Variants in SUMF1 observed in about 807,000 individuals in gnomAD.
SUMF1 encodes sulfatase modifying factor 1.
SUMF1 carries 48 observed loss-of-function variants against 47.6 expected under a neutral mutation model. The ratio of observed to expected loss-of-function variants is 1.01; its 90% CI spans 0.80 to 1.28. The LOEUF (loss-of-function observed/expected upper bound fraction) is 1.28, where lower values mean the gene tolerates loss of function less well. Among genes scored for constraint, SUMF1 ranks in the 50% most tolerant of loss-of-function variants. SUMF1 has a pLI of 0.00. For missense variants in SUMF1, 571 were observed against 485.4 expected (o/e 1.18, Z -1.66); for synonymous variants, 230 against 192.1 (o/e 1.20, Z -1.63).
At chr3:4,421,628 C>T (rs78237025) in intron 3 of SUMF1, among the ~76,000 whole-genome samples, 2,308 of 152,168 alleles carry the variant, frequency 0.015, 70 homozygotes, top group African/African-American at 0.052. Flanking sequence ...CACAGGTGTG[C>T]GCCACAATGC....
At chr3:4,157,251 T>C (rs1694473379) in intron 8 of SUMF1, among the ~76,000 whole-genome samples, 1 of 151,520 alleles carries the variant, frequency 6.6e-6, no homozygotes, top group Non-Finnish European at 1.5e-5. Flanking sequence ...CTGGGCCAGT[T>C]TTTTAGATGT....
chr3:4,137,639 A>T (rs987447490), intron 8 of SUMF1, among the ~76,000 whole-genome samples: 4 of 152,064 alleles, frequency 2.6e-5, no homozygotes, highest in African/African-American at 9.7e-5. Context: ...AAACAAACAA[A>T]CAAGAAATGG....
Position 4,467,046 on chromosome 3 carries a change from G to C in SUMF1, c.200C>G (p.Ala67Gly), listed in dbSNP as rs781397249. 1.9e-6 allele frequency: 3 copies of C among 1,571,484 alleles called. No homozygotes were observed. Among genetic ancestry groups the C allele is most frequent in the South Asian group, 2.3e-5 (2 of 86,368 alleles). ...GTTAGCCTCCCGCGAGTATCGGTGA[G>C]CGGCTGCCGAACTGCCATGGGCGCC... ...RPGAHGSSAA[A>G]HRYSREANAP... The change falls in exon 1 of 9, where the codon GCT becomes GGT. Residue 67 changes from alanine (A) to glycine (G), a missense_variant. Ala to Gly is a moderately conservative substitution (Grantham distance 60). Coordinates refer to ENST00000272902, the MANE Select transcript of SUMF1 (RefSeq NM_182760.4).
chr3:4,150,189 G>C (rs961970737), intron 8 of SUMF1, among the ~76,000 whole-genome samples: 8 of 151,906 alleles, frequency 5.3e-5, no homozygotes, highest in Non-Finnish European at 1.2e-4. Context: ...GATCTCCTGG[G>C]CTCAACCAAT....
intron 9 of SUMF1, among the ~76,000 whole-genome samples, chr3:4,043,927 A>G (rs1694960135): frequency 6.6e-6 from 1 of 151,942 alleles, no homozygotes; most frequent in East Asian, 1.9e-4. Context: ...AATAAAATCA[A>G]CTCCATTTCT....
At chr3:4,373,508 C>T (rs540418435) in intron 8 of SUMF1, among the ~76,000 whole-genome samples, 2 of 152,150 alleles carry the variant, frequency 1.3e-5, no homozygotes, top group African/African-American at 4.8e-5. Flanking sequence ...GTCCCAGCCA[C>T]TCAGGAGGCT....
chr3:4,397,271 A>T (rs551581542), intron 7 of SUMF1, among the ~76,000 whole-genome samples: 2 of 152,370 alleles, frequency 1.3e-5, no homozygotes, highest in East Asian at 3.9e-4. Context: ...TAGGTCAACT[A>T]AAACCAAACC....
At chr3:4,107,090 C>G (rs775323991) in intron 8 of SUMF1, among the ~76,000 whole-genome samples, 2 of 151,988 alleles carry the variant, frequency 1.3e-5, no homozygotes, top group African/African-American at 4.8e-5. Flanking sequence ...AGATCAATAG[C>G]CCAAGGTTGG....
chr3:4,370,135 G>A (rs565449881), intron 8 of SUMF1, among the ~76,000 whole-genome samples: 12 of 152,232 alleles, frequency 7.9e-5, no homozygotes, highest in African/African-American at 1.4e-4. Context: ...GGCTACTTTC[G>A]ATAGGGTGGT....
chr3:4,466,842 G>A lies in SUMF1; in HGVS notation c.270+134C>T, dbSNP rs1244113191. 6 of 1,351,998 alleles carry A rather than the reference G, an allele frequency of 4.4e-6. No individual in the cohort carries two copies. In the Admixed American group the frequency reaches 7.1e-5, roughly 16 times the overall value. 83.8% of individuals were successfully genotyped at this position (1,351,998 alleles called of 1,614,324 possible). On this transcript the variant is annotated intron_variant, in intron 1 of 8. Transcript: ENST00000272902. ...GCACGGAGAAGGAACTCCTCATACG[G>A]GAACAGCAGGTGCTCGATTTGGGGT...
chr3:4,347,178 T>C (rs971060145), intron 8 of SUMF1, among the ~76,000 whole-genome samples: 1 of 152,246 alleles, frequency 6.6e-6, no homozygotes, highest in African/African-American at 2.4e-5. Context: ...CCCTAACTCA[T>C]TTTATGAAGC....
chr3:4,158,093 G>A (rs576361229), intron 8 of SUMF1, among the ~76,000 whole-genome samples: 7 of 151,704 alleles, frequency 4.6e-5, no homozygotes, highest in African/African-American at 1.7e-4. Flanking sequence ...CCTGTGCCAG[G>A]TGTTGTACTT....
intron 8 of SUMF1, among the ~76,000 whole-genome samples, chr3:4,271,290 T>A (rs1164198012): frequency 6.6e-6 from 1 of 152,106 alleles, no homozygotes; most frequent in Non-Finnish European, 1.5e-5. Flanking sequence ...ATTTCAGACT[T>A]GTTTCTCCTT....
At chr3:4,452,792 G>A in intron 2 of SUMF1, 84 bp downstream of exon 2, 2 of 1,507,860 alleles carry the variant, frequency 1.3e-6, no homozygotes, top group South Asian at 2.3e-5. Context: ...AGTAAAAATG[G>A]TCAGTCAATC....
intron 3 of SUMF1, among the ~76,000 whole-genome samples, chr3:4,443,753 A>C (rs1702684736): frequency 6.6e-6 from 1 of 152,194 alleles, no homozygotes; most frequent in Non-Finnish European, 1.5e-5. Flanking sequence ...TGACACAGCA[A>C]GACCCCTTCT....
chr3:4,335,963 A>AAAAAAC (rs1184804181), intron 8 of SUMF1, among the ~76,000 whole-genome samples: 12 of 146,300 alleles, frequency 8.2e-5, no homozygotes, highest in African/African-American at 1.5e-4. Context: ...TCCAACTCAA[A>AAAAAAC]AAAAAAAAAA....
At chr3:4,142,146 CT>C (rs1302078920) in intron 8 of SUMF1, among the ~76,000 whole-genome samples, 2 of 152,148 alleles carry the variant, frequency 1.3e-5, no homozygotes, top group African/African-American at 2.4e-5. Context: ...TCCTGGGATA[CT>C]GCTAACTCCT....
chr3:4,215,843 G>A (rs1238322135), intron 8 of SUMF1, among the ~76,000 whole-genome samples: 1 of 152,060 alleles, frequency 6.6e-6, no homozygotes, highest in Non-Finnish European at 1.5e-5. Flanking sequence ...GGAATGTGAA[G>A]GACCTCTTCC....
At chr3:4,397,332 T>C (rs1451751285) in intron 7 of SUMF1, among the ~76,000 whole-genome samples, 1 of 152,186 alleles carries the variant, frequency 6.6e-6, no homozygotes, top group Non-Finnish European at 1.5e-5. Flanking sequence ...TGCTCCAGAA[T>C]CAATCACTTA....
Sources: gnomAD v4.1 joint callset for allele counts (sites outside exome capture counted in the v4.1 genomes callset) on GRCh38, gnomAD v4.1.1 for gene constraint, MANE v1.5 for transcripts, NCBI Gene and HGNC (gene_info 2026-07-23, HGNC 2026-07-21) for gene names.